DSCAM: variants seen among roughly 807,000 people sequenced by gnomAD.
DSCAM encodes DS cell adhesion molecule.
In DSCAM, 47 loss-of-function variants were observed where a neutral mutation model predicts 217.7. The observed-to-expected ratio is 0.22, with a 90% CI of 0.17 to 0.28. The LOEUF (loss-of-function observed/expected upper bound fraction) is 0.28, where lower values mean the gene tolerates loss of function less well. Among genes scored for constraint, DSCAM ranks in the 10% least tolerant of loss-of-function variants. The pLI is 1.00. For missense variants in DSCAM, 2,080 were observed against 2,618.3 expected (o/e 0.79, Z 4.49); for synonymous variants, 1,056 against 1,015.3 (o/e 1.04, Z -0.76).
At chr21:40,196,696 C>G (rs990542785) in intron 11 of DSCAM, among the ~76,000 whole-genome samples, 1 of 151,946 alleles carries the variant, frequency 6.6e-6, no homozygotes. Context: ...CATCCTCCCT[C>G]TATTTCTGTC....
intron 1 of DSCAM, among the ~76,000 whole-genome samples, chr21:40,760,086 C>G (rs1251222572): frequency 1.3e-5 from 2 of 151,946 alleles, no homozygotes; most frequent in African/African-American, 4.8e-5. Context: ...CTCCACCCCC[C>G]AGGTTCAAGC....
chr21:40,372,878 A>G (rs1321119742), intron 3 of DSCAM, among the ~76,000 whole-genome samples: 1 of 152,212 alleles, frequency 6.6e-6, no homozygotes, highest in Non-Finnish European at 1.5e-5. Context: ...TGTTAGTGCC[A>G]CTAAAATAAA....
chr21:40,264,700 C>G (rs992783876), intron 11 of DSCAM, among the ~76,000 whole-genome samples: 2 of 152,022 alleles, frequency 1.3e-5, no homozygotes, highest in Admixed American at 6.6e-5. Context: ...GCAGTCCTAG[C>G]CAGAGAAATC....
intron 1 of DSCAM, among the ~76,000 whole-genome samples, chr21:40,790,810 A>G (rs908878450): frequency 1.3e-5 from 2 of 152,164 alleles, no homozygotes; most frequent in Non-Finnish European, 2.9e-5. Flanking sequence ...TAAGTATTCC[A>G]CTCAGATTTG....
intron 3 of DSCAM, among the ~76,000 whole-genome samples, chr21:40,692,347 T>C (rs941797423): frequency 1.9e-4 from 29 of 152,184 alleles, no homozygotes; most frequent in Admixed American, 1.7e-3. Flanking sequence ...ATATTCTTAG[T>C]AGAATCTTCA....
intron 3 of DSCAM, among the ~76,000 whole-genome samples, chr21:40,576,645 G>C (rs1306173708): frequency 6.6e-6 from 1 of 152,026 alleles, no homozygotes; most frequent in African/African-American, 2.4e-5. Context: ...GGCAGAATGG[G>C]AGAAGACACC....
Position 40,770,948 on chromosome 21 carries a change from C to A in DSCAM, c.44-62177G>T, listed in dbSNP as rs1379311667. Among the ~76,000 whole-genome samples, 3 of 152,154 alleles carry A rather than the reference C, an allele frequency of 2.0e-5. No homozygotes were observed. In the East Asian group the frequency reaches 5.8e-4, roughly 29 times the overall value. On this transcript the variant is annotated intron_variant, in intron 1 of 32. Coordinates refer to ENST00000400454, the MANE Select transcript of DSCAM (RefSeq NM_001389.5). ...GGTGCCAAGGTGAGAAGTTGGCAGT[C>A]TTTTCTTCTGGAAACTTCCAGGAGA...
chr21:40,309,564 T>G (rs1359414770), intron 9 of DSCAM, among the ~76,000 whole-genome samples: 2 of 152,126 alleles, frequency 1.3e-5, no homozygotes, highest in African/African-American at 2.4e-5. Flanking sequence ...CAGGTGCTTC[T>G]CCCATATCAT....
chr21:40,037,024 A>C (rs1487895265), intron 32 of DSCAM, among the ~76,000 whole-genome samples: 1 of 150,362 alleles, frequency 6.7e-6, no homozygotes, highest in Non-Finnish European at 1.5e-5. Flanking sequence ...TTTCAAAATA[A>C]TAAGAGCTAT....
At chr21:40,203,474 C>T (rs751669867) in intron 11 of DSCAM, among the ~76,000 whole-genome samples, 1 of 152,228 alleles carries the variant, frequency 6.6e-6, no homozygotes, top group Non-Finnish European at 1.5e-5. Context: ...CTCCCCTACC[C>T]GTCACCCAGA....
At chr21:40,158,827 A>G (rs1294334026) in intron 16 of DSCAM, among the ~76,000 whole-genome samples, 1 of 152,058 alleles carries the variant, frequency 6.6e-6, no homozygotes, top group Non-Finnish European at 1.5e-5. Context: ...GTCTCAACTT[A>G]AATTTTTCAA....
intron 1 of DSCAM, among the ~76,000 whole-genome samples, chr21:40,815,137 C>T (rs148226076): frequency 8.7e-4 from 133 of 152,274 alleles, no homozygotes; most frequent in African/African-American, 2.6e-3. Flanking sequence ...TCTCAACCTT[C>T]AGGTCATTGC....
At chr21:40,792,404 A>G (rs1194471155) in intron 1 of DSCAM, among the ~76,000 whole-genome samples, 2 of 152,108 alleles carry the variant, frequency 1.3e-5, no homozygotes, top group East Asian at 3.9e-4. Flanking sequence ...AATTACAGGC[A>G]TGAGCCACCG....
intron 27 of DSCAM, among the ~76,000 whole-genome samples, chr21:40,068,744 G>T (rs1025209637): frequency 6.6e-6 from 1 of 152,172 alleles, no homozygotes; most frequent in African/African-American, 2.4e-5. Flanking sequence ...GGACTCATAT[G>T]TGATTCTGGA....
At chr21:40,156,937 T>C (rs1174948552) in intron 16 of DSCAM, among the ~76,000 whole-genome samples, 1 of 152,144 alleles carries the variant, frequency 6.6e-6, no homozygotes, top group Non-Finnish European at 1.5e-5. Flanking sequence ...CAGATGAGAC[T>C]CTCTCAGTTG....
intron 3 of DSCAM, among the ~76,000 whole-genome samples, chr21:40,562,732 C>T (rs1365457304): frequency 6.6e-6 from 1 of 152,158 alleles, no homozygotes; most frequent in African/African-American, 2.4e-5. Flanking sequence ...CCTGGGAAAG[C>T]CAAAGCCCTG....
Position 40,523,294 on chromosome 21 carries a change from C to G in DSCAM, c.509-154049G>C, listed in dbSNP as rs552043305. ...TGCCCAAATATTGCAATTCCCAAGA[C>G]CACCCTGGCCTGCCATGCCCCCATC... is the stretch of plus-strand genomic sequence containing the variant. On this transcript the variant is annotated intron_variant, in intron 3 of 32. Coordinates refer to ENST00000400454, the MANE Select transcript of DSCAM (RefSeq NM_001389.5). Among the ~76,000 whole-genome samples the G allele has an allele frequency of 2.0e-5, 3 of 152,162 alleles. No individual in the cohort carries two copies. The South Asian group carries it at 6.2e-4, about 32-fold the overall frequency.
rs139720782 is a variant in DSCAM at position 40,645,279 on chromosome 21, T to C, written c.508+47531A>G. On this transcript the variant is annotated intron_variant, in intron 3 of 32. Transcript: ENST00000400454. Reference sequence around the variant, plus strand: ...GCCCTGTTTCTTACAGTTTTGATGATTGAGTATGCTACACAGGCATCCGAA... The same window carrying C: ...GCCCTGTTTCTTACAGTTTTGATGACTGAGTATGCTACACAGGCATCCGAA... 3.5e-3 allele frequency among the ~76,000 whole-genome samples: 539 copies of C among 152,344 alleles called. 2 individuals are homozygous for C. Among genetic ancestry groups the C allele is most frequent in the African/African-American group, 0.012 (490 of 41,576 alleles).
intron 4 of DSCAM, among the ~76,000 whole-genome samples, chr21:40,359,125 A>G (rs1454784131): frequency 6.6e-6 from 1 of 152,178 alleles, no homozygotes; most frequent in Non-Finnish European, 1.5e-5. Flanking sequence ...AATCACAAAC[A>G]ATGCTGGTGA....
Sources: gnomAD v4.1 joint callset for allele counts (sites outside exome capture counted in the v4.1 genomes callset) on GRCh38, gnomAD v4.1.1 for gene constraint, MANE v1.5 for transcripts, NCBI Gene and HGNC (gene_info 2026-07-23, HGNC 2026-07-21) for gene names.